The following PPP1R42 variants were observed in gnomAD, a reference collection of about 807,000 sequenced individuals.
The protein encoded by PPP1R42 is protein phosphatase 1 regulatory subunit 42, also known as leucine rich repeat containing 67.
A neutral mutation model predicts 31.0 loss-of-function variants in PPP1R42; 34 were observed. That is an observed-to-expected ratio of 1.10 (90% CI 0.83 to 1.46). The LOEUF (loss-of-function observed/expected upper bound fraction) is 1.46. PPP1R42 is among the 40% of genes most tolerant of loss of function. The pLI, the probability that PPP1R42 is intolerant of heterozygous loss-of-function variation, is 0.00. For synonymous variants in PPP1R42, 103 were observed against 109.8 expected (o/e 0.94, Z 0.39); for missense variants, 268 against 303.0 (o/e 0.88, Z 0.86).
chr8:66,980,209 T>C (rs912416216), intron 7 of PPP1R42, among the ~76,000 whole-genome samples: 1 of 152,170 alleles, frequency 6.6e-6, no homozygotes, highest in Non-Finnish European at 1.5e-5. Context: ...CCCATTCTAC[T>C]TAATGATTTT....
At chr8:67,001,764 CAT>C (rs1815498571) in intron 5 of PPP1R42, among the ~76,000 whole-genome samples, 1 of 152,166 alleles carries the variant, frequency 6.6e-6, no homozygotes, top group South Asian at 2.1e-4. Context: ...TTTACTTTTA[CAT>C]GTCATAAACC....
At chr8:67,003,157 A>T (rs1223844175) in intron 5 of PPP1R42, among the ~76,000 whole-genome samples, 3 of 135,410 alleles carry the variant, frequency 2.2e-5, no homozygotes, top group African/African-American at 8.6e-5. Context: ...CAAGAGCGAA[A>T]CTCCGTCTCA....
intron 5 of PPP1R42, among the ~76,000 whole-genome samples, chr8:66,994,049 C>T (rs1331549486): frequency 6.6e-6 from 1 of 152,072 alleles, no homozygotes; most frequent in Non-Finnish European, 1.5e-5. Flanking sequence ...TATATATCCT[C>T]CTGTCTAGAA....
At chr8:67,016,721 A>C (rs1330666919) in intron 2 of PPP1R42, among the ~76,000 whole-genome samples, 1 of 152,310 alleles carries the variant, frequency 6.6e-6, no homozygotes, top group South Asian at 2.1e-4. Flanking sequence ...TTTGTTGCCC[A>C]GGCTGTATTA....
chr8:66,981,372 T>C (rs1458731094), intron 7 of PPP1R42, among the ~76,000 whole-genome samples: 2 of 151,716 alleles, frequency 1.3e-5, no homozygotes, highest in African/African-American at 4.8e-5. Flanking sequence ...AAAAATGTGA[T>C]TTTTGCACTT....
intron 5 of PPP1R42, among the ~76,000 whole-genome samples, chr8:66,992,144 T>C (rs1192597268): frequency 6.6e-6 from 1 of 152,190 alleles, no homozygotes; most frequent in African/African-American, 2.4e-5. Flanking sequence ...ACTCCATGGC[T>C]TTGTGATTCT....
intron 7 of PPP1R42, among the ~76,000 whole-genome samples, chr8:66,979,564 T>A (rs141804811): frequency 6.6e-6 from 1 of 152,250 alleles, no homozygotes; most frequent in Non-Finnish European, 1.5e-5. Context: ...GGGTTCTCTA[T>A]TCTGTTCTAC....
At position 67,010,774 on chromosome 8, in the gene PPP1R42, C is replaced by T; in HGVS notation, c.493G>A (p.Glu165Lys). Reference sequence around the variant, plus strand: ...AGCTGATTAAGATTCTCTAGTAGTTCTAAGTCTGTAATGTCATCAATATTA... The same window carrying T: ...AGCTGATTAAGATTCTCTAGTAGTTTTAAGTCTGTAATGTCATCAATATTA... ...NNNIDDITDL[E>K]LLENLNQLIA... Residue 165 changes from glutamate to lysine, a missense_variant, in exon 5 of 8, where the codon GAA (glutamate) becomes AAA (lysine). Physicochemically the swap from Glu to Lys is moderately conservative, Grantham distance 56. Coordinates refer to ENST00000685739, the MANE Select transcript of PPP1R42 (RefSeq NM_001364910.1). The T allele has an allele frequency of 6.2e-7, 1 of 1,607,570 alleles. No homozygotes were observed. The highest frequency in any genetic ancestry group is 1.1e-5 in the South Asian group (1 of 88,772).
intron 5 of PPP1R42, among the ~76,000 whole-genome samples, chr8:67,001,244 A>G (rs1035690095): frequency 9.6e-5 from 14 of 146,442 alleles, no homozygotes; most frequent in African/African-American, 3.5e-4. Context: ...TTTTTAAAGC[A>G]TAGATAACAA....
chr8:67,027,461 A>G (rs1256442850), intron 1 of PPP1R42, among the ~76,000 whole-genome samples: 1 of 152,212 alleles, frequency 6.6e-6, no homozygotes, highest in Non-Finnish European at 1.5e-5. Flanking sequence ...AAAACTTTCT[A>G]GGGGCTTGAA....
At chr8:67,002,094 ATCT>A (rs1271413972) in intron 5 of PPP1R42, among the ~76,000 whole-genome samples, 1 of 152,192 alleles carries the variant, frequency 6.6e-6, no homozygotes, top group Non-Finnish European at 1.5e-5. Flanking sequence ...ATGTTTCATG[ATCT>A]TCTGGCTTGC....
intron 5 of PPP1R42, among the ~76,000 whole-genome samples, chr8:66,989,286 G>A (rs1289080017): frequency 3.9e-5 from 6 of 152,050 alleles, no homozygotes; most frequent in South Asian, 2.1e-4. Flanking sequence ...ACAGATTAAC[G>A]GAACTTAAGA....
chr8:67,002,433 G>C (rs1417888808), intron 5 of PPP1R42, among the ~76,000 whole-genome samples: 1 of 152,092 alleles, frequency 6.6e-6, no homozygotes, highest in Non-Finnish European at 1.5e-5. Flanking sequence ...TCCTGACCTC[G>C]AGTCATCCGC....
At chr8:66,964,801 T>A (rs891703251) in intron 7 of PPP1R42, among the ~76,000 whole-genome samples, 2 of 152,188 alleles carry the variant, frequency 1.3e-5, no homozygotes, top group African/African-American at 2.4e-5. Context: ...CATAGTTAAG[T>A]TCACCCTTTT....
chr8:66,977,653 G>A (rs988180945), intron 7 of PPP1R42, among the ~76,000 whole-genome samples: 3 of 151,866 alleles, frequency 2.0e-5, no homozygotes, highest in African/African-American at 7.3e-5. Flanking sequence ...CTACAGGTGT[G>A]CACCACCATG....
intron 6 of PPP1R42, among the ~76,000 whole-genome samples, chr8:66,983,465 A>G (rs567306931): frequency 1.4e-4 from 22 of 152,174 alleles, no homozygotes; most frequent in Admixed American, 1.0e-3. Context: ...TTTTTCTTCA[A>G]AATTTTTTTC....
chr8:66,971,187 C>A, intron 7 of PPP1R42: 1 of 1,378,814 alleles, frequency 7.3e-7, no homozygotes, highest in Non-Finnish European at 9.5e-7. Context: ...AAATTAATAA[C>A]TAAATTTTTA....
intron 7 of PPP1R42, among the ~76,000 whole-genome samples, chr8:66,976,294 C>T (rs569715156): frequency 1.1e-4 from 16 of 152,158 alleles, no homozygotes; most frequent in East Asian, 5.8e-4. Flanking sequence ...TGGTGAATTA[C>T]GATTTCATTA....
At chr8:66,982,014 A>G in intron 7 of PPP1R42, 35 bp downstream of exon 7, 1 of 1,315,444 alleles carries the variant, frequency 7.6e-7, no homozygotes, top group Non-Finnish European at 9.7e-7. Flanking sequence ...CCTTTGCTAG[A>G]AGAGCAGTCA....
Sources: allele counts gnomAD v4.1 joint callset (sites outside exome capture counted in the v4.1 genomes callset), GRCh38; gene constraint gnomAD v4.1.1; transcripts MANE v1.5; gene names NCBI Gene and HGNC (gene_info 2026-07-23, HGNC 2026-07-21).